Variants in PPP6R3 observed in about 807,000 individuals in gnomAD.
PPP6R3 encodes serine/threonine-protein phosphatase 6 regulatory subunit 3.
In PPP6R3, 38 loss-of-function variants were observed where a neutral mutation model predicts 110.7. The observed-to-expected ratio is 0.34, with a 90% confidence interval of 0.26 to 0.45. PPP6R3 has a LOEUF of 0.45. Among genes scored for constraint, PPP6R3 ranks in the 20% least tolerant of loss-of-function variants. The probability of loss-of-function intolerance (pLI) is 1.00; values close to 1 mark genes in which losing one functional copy is unlikely to be tolerated. For synonymous variants in PPP6R3, 369 were observed against 373.5 expected, an observed-to-expected ratio of 0.99 and a Z score of 0.14; for missense variants, 870 against 1,062.4, an observed-to-expected ratio of 0.82 and a Z score of 2.52.
chr11:68,518,213 TCA>T (rs753185650), intron 1 of PPP6R3, among the ~76,000 whole-genome samples: 7 of 152,240 alleles, frequency 4.6e-5, no homozygotes, highest in Non-Finnish European at 8.8e-5. Flanking sequence ...AGGAAAATCC[TCA>T]GTTTATAGTG....
chr11:68,582,662 C>T (rs1390303612), intron 14 of PPP6R3, among the ~76,000 whole-genome samples: 7 of 152,270 alleles, frequency 4.6e-5, no homozygotes, highest in Non-Finnish European at 4.4e-5. Context: ...TTGGACCCTG[C>T]AGGCCCCGTA....
chr11:68,477,728 TA>T (rs1181714569), intron 1 of PPP6R3, among the ~76,000 whole-genome samples: 2,571 of 77,342 alleles, frequency 0.033, 71 homozygotes, highest in Non-Finnish European at 0.044. Context: ...CATTGTCTCT[TA>T]AAAAAAAAAA....
intron 3 of PPP6R3, among the ~76,000 whole-genome samples, chr11:68,540,641 A>C (rs1411943370): frequency 6.6e-6 from 1 of 152,026 alleles, no homozygotes; most frequent in Non-Finnish European, 1.5e-5. Context: ...ATTATGGGAG[A>C]CTGGAGTCTG....
chr11:68,594,870 G>A lies in PPP6R3; in HGVS notation c.1917-1227G>A, dbSNP rs146744504. 6.6e-5 allele frequency among the ~76,000 whole-genome samples: 10 copies of A among 152,300 alleles called. No individual in the cohort carries two copies. In the East Asian group the frequency reaches 1.9e-3, roughly 29 times the overall value. On this transcript the variant is annotated intron_variant, in intron 18 of 23. Transcript: ENST00000393800. ...AGTATGATATGGGCAAGAAGGTAGG[G>A]CATAGATCAGTGGAACAGAATAGAG...
chr11:68,573,132 ATATATATATATATATATATAT>A (rs1157693019), intron 12 of PPP6R3, among the ~76,000 whole-genome samples: 2 of 104,762 alleles, frequency 1.9e-5, no homozygotes, highest in African/African-American at 8.1e-5. Flanking sequence ...ATATATATAT[ATATATATATATATATATATAT>A]AATTTTTTTT....
chr11:68,461,467 G>C (rs754382563), intron 1 of PPP6R3, among the ~76,000 whole-genome samples: 17 of 125,728 alleles, frequency 1.4e-4, no homozygotes, highest in Non-Finnish European at 1.9e-4. Context: ...TGTCTCGAAT[G>C]CCTCCCTGGT....
chr11:68,595,781 C>A (rs947838642), intron 18 of PPP6R3, among the ~76,000 whole-genome samples: 2 of 152,154 alleles, frequency 1.3e-5, no homozygotes, highest in African/African-American at 4.8e-5. Context: ...GCTCAACCTC[C>A]TTGGTCATTA....
chr11:68,471,507 G>A (rs1307678236), intron 1 of PPP6R3, among the ~76,000 whole-genome samples: 2 of 152,016 alleles, frequency 1.3e-5, no homozygotes, highest in Non-Finnish European at 1.5e-5. Context: ...ACCAAGACTC[G>A]TCTCATGGCT....
chr11:68,489,997 G>A (rs1263625070), intron 1 of PPP6R3, among the ~76,000 whole-genome samples: 1 of 152,036 alleles, frequency 6.6e-6, no homozygotes, highest in African/African-American at 2.4e-5. Flanking sequence ...TTATTATTTT[G>A]AACAAACTAC....
chr11:68,506,965 G>A (rs1439520312), intron 1 of PPP6R3, among the ~76,000 whole-genome samples: 1 of 152,212 alleles, frequency 6.6e-6, no homozygotes, highest in Non-Finnish European at 1.5e-5. Context: ...CCTGCCCACT[G>A]TTGTTACAAC....
chr11:68,475,544 G>A (rs1565261398), intron 1 of PPP6R3, among the ~76,000 whole-genome samples: 1 of 140,354 alleles, frequency 7.1e-6, no homozygotes, highest in African/African-American at 2.6e-5. Context: ...GCGGGGGCTG[G>A]CCCCCCACCT....
At chr11:68,471,384 C>T (rs1425998853) in intron 1 of PPP6R3, among the ~76,000 whole-genome samples, 2 of 151,838 alleles carry the variant, frequency 1.3e-5, no homozygotes, top group African/African-American at 2.4e-5. Context: ...TGAGGCTCTA[C>T]GGCAGCCTAG....
chr11:68,539,954 C>T (rs544286574), intron 3 of PPP6R3, among the ~76,000 whole-genome samples: 1 of 152,292 alleles, frequency 6.6e-6, no homozygotes, highest in South Asian at 2.1e-4. Flanking sequence ...GCAGGGGGAA[C>T]AGCAAGTGTG....
chr11:68,466,897 G>GCCA (rs989726586), intron 1 of PPP6R3, among the ~76,000 whole-genome samples: 4 of 151,130 alleles, frequency 2.6e-5, no homozygotes, highest in Admixed American at 6.6e-5. Flanking sequence ...ACAGGCGTGA[G>GCCA]CCACCGCGCC....
chr11:68,564,455 G>T, intron 9 of PPP6R3, 23 bp downstream of exon 9: 3 of 1,612,362 alleles, frequency 1.9e-6, no homozygotes, highest in Admixed American at 3.3e-5. Context: ...TGTTAAGCAT[G>T]GCTGCCCAGC....
At chr11:68,516,864 C>A (rs2099139796) in intron 1 of PPP6R3, among the ~76,000 whole-genome samples, 1 of 151,912 alleles carries the variant, frequency 6.6e-6, no homozygotes, top group South Asian at 2.1e-4. Context: ...ACACTTATTT[C>A]CTGTTTTTTT....
rs769296530 is a variant in PPP6R3, at chr11:68,478,647, G to GTTTTTTTTTTTTTTTTTTTTT, written c.-158+17825_-158+17845dup. ...ACTGATGAGTTAGTGCACTTGGTAA[G>GTTTTTTTTTTTTTTTTTTTTT]TTTTTTTTTTTTTTTTTTTTTTTTT... On this transcript the variant is annotated intron_variant, in intron 1 of 23. Coordinates refer to ENST00000393800, the MANE Select transcript of PPP6R3 (RefSeq NM_001164161.2). Among the ~76,000 whole-genome samples the GTTTTTTTTTTTTTTTTTTTTT allele has an allele frequency of 1.5e-3, 76 of 50,514 alleles. 31 individuals are homozygous for GTTTTTTTTTTTTTTTTTTTTT. The highest frequency in any genetic ancestry group is 4.1e-3 in the South Asian group (4 of 984). 33.1% of individuals were successfully genotyped at this position (50,514 alleles called of 152,430 possible).
At chr11:68,527,411 T>C (rs957928743) in intron 2 of PPP6R3, among the ~76,000 whole-genome samples, 2 of 152,156 alleles carry the variant, frequency 1.3e-5, no homozygotes, top group Non-Finnish European at 2.9e-5. Flanking sequence ...GTGACCAGTC[T>C]CTACAGTGCC....
rs1175033384 is a variant in PPP6R3 at position 68,461,394 on chromosome 11, C to G, written c.-158+567C>G. Among the ~76,000 whole-genome samples the G allele has an allele frequency of 2.6e-5, 4 of 151,944 alleles. No homozygotes were observed. In the South Asian group the frequency reaches 8.3e-4, roughly 32 times the overall value. ...TCATCGGGATCCACACCAGCCAGTT[C>G]CGAGGCTCCCAGTACCCTTCCCAGT... On this transcript the variant is annotated intron_variant, in intron 1 of 23. Transcript: ENST00000393800.
Sources: allele counts gnomAD v4.1 joint callset (sites outside exome capture counted in the v4.1 genomes callset), GRCh38; gene constraint gnomAD v4.1.1; transcripts MANE v1.5; gene names NCBI Gene and HGNC (gene_info 2026-07-23, HGNC 2026-07-21).